Variants in NFIA observed in about 807,000 individuals in gnomAD.
NFIA encodes the protein nuclear factor 1 A-type.
NFIA carries 8 observed loss-of-function variants against 62.8 expected under a neutral mutation model. The ratio of observed to expected loss-of-function variants is 0.13; its 90% confidence interval spans 0.07 to 0.23. The LOEUF (loss-of-function observed/expected upper bound fraction) is 0.23. NFIA is among the 10% of genes least tolerant of loss of function. The pLI, the probability that NFIA is intolerant of heterozygous loss-of-function variation, is 1.00. For missense variants in NFIA, 410 were observed against 642.1 expected, an observed-to-expected ratio of 0.64 and a Z score of 3.91; for synonymous variants, 235 against 238.1, an observed-to-expected ratio of 0.99 and a Z score of 0.12.
chr1:61,287,155 G>A (rs1658555880), intron 3 of NFIA, among the ~76,000 whole-genome samples: 1 of 152,160 alleles, frequency 6.6e-6, no homozygotes, highest in Admixed American at 6.5e-5. Context: ...CCCCTACACT[G>A]TGATAGTCAC....
intron 2 of NFIA, among the ~76,000 whole-genome samples, chr1:61,159,972 G>A (rs182186596): frequency 6.6e-5 from 10 of 152,110 alleles, no homozygotes; most frequent in South Asian, 4.1e-4. Flanking sequence ...GTGAGCCACC[G>A]CGCCCGGCCT....
In NFIA at chr1:61,151,950, C is replaced by T. The variant is rs138749554; in HGVS notation, c.559+63270C>T. ...AATGTGGAAACCTTGGCATCTCTCA[C>T]TTAAGAACACTGAATTCATGGTGTT... On this transcript the variant is annotated intron_variant, in intron 2 of 10. Coordinates refer to ENST00000403491, the MANE Select transcript of NFIA (RefSeq NM_001134673.4). 4.4e-3 allele frequency among the ~76,000 whole-genome samples: 673 copies of T among 152,310 alleles called. 8 individuals carry two copies. Among genetic ancestry groups the T allele is most frequent in the African/African-American group, 0.015 (643 of 41,546 alleles).
chr1:61,267,504 G>A (rs756414256), intron 2 of NFIA, among the ~76,000 whole-genome samples: 8 of 149,910 alleles, frequency 5.3e-5, no homozygotes, highest in East Asian at 2.0e-4. Context: ...GGGAGACTTC[G>A]TCTCAAGAAA....
intron 2 of NFIA, among the ~76,000 whole-genome samples, chr1:61,268,127 C>T (rs1657286356): frequency 6.6e-6 from 1 of 152,160 alleles, no homozygotes; most frequent in African/African-American, 2.4e-5. Flanking sequence ...ACTGAAATAA[C>T]CTGTCTGTGG....
At position 61,182,109 on chromosome 1, in the gene NFIA, A is replaced by G. The variant is rs1226764053; in HGVS notation, c.559+93429A>G. Among the ~76,000 whole-genome samples the G allele has an allele frequency of 1.1e-4, 17 of 152,196 alleles. 1 individual carries two copies. Among genetic ancestry groups the G allele is most frequent in the Non-Finnish European group, 2.9e-5 (2 of 68,038 alleles). On this transcript the variant is annotated intron_variant, in intron 2 of 10. Transcript: ENST00000403491. The stretch of plus-strand genomic sequence containing the variant: ...TACTTTAAATTCTTTCTGTATTTGT[A>G]TTTTGGTTGCCTGCAGTCTATTTTT...
upstream of NFIA, among the ~76,000 whole-genome samples, chr1:61,080,016 C>G (rs1984296): frequency 0.29 from 44,022 of 151,852 alleles, 7,340 homozygotes; most frequent in Non-Finnish European, 0.37. Flanking sequence ...CGCCTCCCCC[C>G]CTCCCTCCGC....
At chr1:61,419,353 G>A (rs1465449151) in intron 9 of NFIA, among the ~76,000 whole-genome samples, 1 of 152,128 alleles carries the variant, frequency 6.6e-6, no homozygotes, top group African/African-American at 2.4e-5. Flanking sequence ...GAAAAGCTGA[G>A]GTGGGAAGAT....
At chr1:61,259,610 TACA>T (rs1447095519) in intron 2 of NFIA, among the ~76,000 whole-genome samples, 3 of 152,228 alleles carry the variant, frequency 2.0e-5, no homozygotes, top group Non-Finnish European at 2.9e-5. Flanking sequence ...CGTTATCTTC[TACA>T]CTGGTTAGAA....
At chr1:61,089,475 T>C (rs1646278090) in intron 2 of NFIA, among the ~76,000 whole-genome samples, 1 of 152,092 alleles carries the variant, frequency 6.6e-6, no homozygotes, top group African/African-American at 2.4e-5. Context: ...CTGGATAAAA[T>C]AATGCATTTT....
intron 2 of NFIA, among the ~76,000 whole-genome samples, chr1:61,148,398 C>T (rs1001051698): frequency 6.6e-6 from 1 of 152,142 alleles, no homozygotes; most frequent in Non-Finnish European, 1.5e-5. Flanking sequence ...TGTCCCCTAT[C>T]CCCTTTGTCT....
chr1:61,368,735 T>A (rs1663730584), intron 6 of NFIA, among the ~76,000 whole-genome samples: 2 of 152,258 alleles, frequency 1.3e-5, no homozygotes, highest in East Asian at 3.8e-4. Flanking sequence ...AAAGAAATAC[T>A]GTATATCCTT....
At chr1:61,170,877 G>A (rs1052337643) in intron 2 of NFIA, among the ~76,000 whole-genome samples, 5 of 151,574 alleles carry the variant, frequency 3.3e-5, no homozygotes, top group Non-Finnish European at 5.9e-5. Context: ...AGACTTTGTT[G>A]TTGTTTTAAA....
At position 61,290,089 on chromosome 1, in the gene NFIA, C is replaced by A. The variant is rs142533499; in HGVS notation, c.625+12504C>A. On this transcript the variant is annotated intron_variant, in intron 3 of 10. Transcript: ENST00000403491. Reference sequence around the variant, plus strand: ...CTTATTTTTTTATGAACACTTTGTTCTTTTTTTCTACAGTCTCAAGTATTA... The same window carrying A: ...CTTATTTTTTTATGAACACTTTGTTATTTTTTTCTACAGTCTCAAGTATTA... Among the ~76,000 whole-genome samples, 80 of 123,900 alleles carry A rather than the reference C, an allele frequency of 6.5e-4. 1 individual carries two copies. The highest frequency in any genetic ancestry group is 3.3e-4 in the Non-Finnish European group (19 of 58,184). The allele number at this position is 123,900 out of a possible 152,430, so 81.3% of individuals were successfully genotyped here. A position where few individuals can be genotyped will look rare whatever the true frequency, so the allele number is the denominator to read the frequency against.
intron 3 of NFIA, among the ~76,000 whole-genome samples, chr1:61,300,705 G>A (rs1049846368): frequency 2.7e-5 from 4 of 149,590 alleles, no homozygotes; most frequent in Non-Finnish European, 6.0e-5. Context: ...GGCTATATAT[G>A]TGTATATATA....
upstream of NFIA, chr1:61,081,940 A>C: frequency 6.4e-7 from 1 of 1,550,398 alleles, no homozygotes; most frequent in Non-Finnish European, 8.7e-7. Flanking sequence ...AGAAATTTGC[A>C]TACATGCAAA....
At chr1:61,172,825 T>C (rs1406448945) in intron 2 of NFIA, among the ~76,000 whole-genome samples, 1 of 152,240 alleles carries the variant, frequency 6.6e-6, no homozygotes, top group African/African-American at 2.4e-5. Flanking sequence ...ACATTTTTCT[T>C]GGTTATTTAT....
chr1:61,238,717 G>A (rs1158303919), intron 2 of NFIA, among the ~76,000 whole-genome samples: 1 of 152,130 alleles, frequency 6.6e-6, no homozygotes, highest in Non-Finnish European at 1.5e-5. Context: ...TTCCCTCTTG[G>A]TTTCTCCACT....
chr1:61,395,085 C>T (rs944579825), intron 7 of NFIA, among the ~76,000 whole-genome samples: 7 of 151,780 alleles, frequency 4.6e-5, no homozygotes, highest in African/African-American at 1.7e-4. Context: ...CCAGCCTGGG[C>T]GACAGAGCAA....
chr1:61,388,119 G>A (rs1412592600), intron 7 of NFIA, among the ~76,000 whole-genome samples: 2 of 152,100 alleles, frequency 1.3e-5, no homozygotes, highest in Non-Finnish European at 2.9e-5. Flanking sequence ...TGTACCATGG[G>A]GACAATACTT....
Sources: allele counts gnomAD v4.1 joint callset (sites outside exome capture counted in the v4.1 genomes callset), GRCh38; gene constraint gnomAD v4.1.1; transcripts MANE v1.5; gene names NCBI Gene and HGNC (gene_info 2026-07-23, HGNC 2026-07-21).